DYNC1I1: variants seen among roughly 807,000 people sequenced by gnomAD.
DYNC1I1 encodes dynein cytoplasmic 1 intermediate chain 1, also known as cytoplasmic dynein 1 intermediate chain 1.
DYNC1I1 carries 43 observed loss-of-function variants against 86.6 expected under a neutral mutation model. That is an observed-to-expected ratio of 0.50 (90% CI 0.39 to 0.64). The LOEUF (loss-of-function observed/expected upper bound fraction) is 0.64. Ranked by LOEUF, DYNC1I1 falls within the 30% of genes least tolerant of loss-of-function variation. The pLI is 0.00. For missense variants in DYNC1I1, 604 were observed against 788.8 expected, an observed-to-expected ratio of 0.77 and a Z score of 2.81; for synonymous variants, 262 against 283.7, an observed-to-expected ratio of 0.92 and a Z score of 0.77.
intron 5 of DYNC1I1, among the ~76,000 whole-genome samples, chr7:95,831,082 A>C (rs1400567512): frequency 1.3e-5 from 2 of 152,114 alleles, no homozygotes; most frequent in African/African-American, 4.8e-5. Context: ...TTATTTTCTC[A>C]TAATTGATTT....
At chr7:95,937,974 A>G (rs1792093889) in intron 6 of DYNC1I1, among the ~76,000 whole-genome samples, 1 of 151,916 alleles carries the variant, frequency 6.6e-6, no homozygotes, top group Non-Finnish European at 1.5e-5. Context: ...ATAATACCCT[A>G]ATTTATTGTA....
At chr7:95,800,051 A>G (rs1794541144) in intron 1 of DYNC1I1, among the ~76,000 whole-genome samples, 1 of 149,646 alleles carries the variant, frequency 6.7e-6, no homozygotes, top group Admixed American at 6.8e-5. Flanking sequence ...ATTTGTTTGG[A>G]TCAAAAGAAT....
intron 10 of DYNC1I1, among the ~76,000 whole-genome samples, chr7:96,018,592 A>C (rs1412360742): frequency 1.3e-5 from 2 of 152,128 alleles, no homozygotes; most frequent in Admixed American, 6.6e-5. Flanking sequence ...ATAAACAAGA[A>C]AACTCCTAGT....
chr7:95,856,409 T>A (rs967636204), intron 5 of DYNC1I1, among the ~76,000 whole-genome samples: 8 of 152,228 alleles, frequency 5.3e-5, no homozygotes, highest in African/African-American at 1.4e-4. Flanking sequence ...AATATGTCGA[T>A]GGCCGTTTCT....
At position 95,883,917 on chromosome 7, in the gene DYNC1I1, A is replaced by G. The variant is rs529552538; in HGVS notation, c.490+13919A>G. Reference sequence around the variant, plus strand: ...AACAAAGTCTTGGAAAATATCAATGATAGAAGTTTATGTTTTTTTAATGAA... The same window carrying G: ...AACAAAGTCTTGGAAAATATCAATGGTAGAAGTTTATGTTTTTTTAATGAA... On this transcript the variant is annotated intron_variant, in intron 6 of 16. Coordinates refer to ENST00000447467, the MANE Select transcript of DYNC1I1 (RefSeq NM_001135556.2). 5.9e-5 allele frequency among the ~76,000 whole-genome samples: 9 copies of G among 152,316 alleles called. No homozygotes were observed. In the South Asian group the frequency reaches 1.9e-3, roughly 32 times the overall value.
At chr7:95,844,935 G>A (rs935690994) in intron 5 of DYNC1I1, among the ~76,000 whole-genome samples, 1 of 152,122 alleles carries the variant, frequency 6.6e-6, no homozygotes, top group Admixed American at 6.5e-5. Context: ...CCTTTCATTA[G>A]TTTATAACAG....
intron 13 of DYNC1I1, among the ~76,000 whole-genome samples, chr7:96,038,775 T>C (rs1250946233): frequency 6.6e-6 from 1 of 152,198 alleles, no homozygotes. Flanking sequence ...TTTTCAGCTA[T>C]GTTAAAGTAA....
chr7:96,077,784 A>T (rs1480664751), intron 15 of DYNC1I1, among the ~76,000 whole-genome samples: 1 of 152,168 alleles, frequency 6.6e-6, no homozygotes, highest in Non-Finnish European at 1.5e-5. Context: ...AACAATTCCT[A>T]TGTAACTGTT....
intron 6 of DYNC1I1, among the ~76,000 whole-genome samples, chr7:95,871,603 T>C (rs1300335367): frequency 2.0e-5 from 3 of 151,842 alleles, no homozygotes; most frequent in African/African-American, 7.3e-5. Context: ...GGAGAAGGAG[T>C]GAATTATTTT....
At position 95,959,196 on chromosome 7, in the gene DYNC1I1, G is replaced by A. The variant is rs763738363; in HGVS notation, c.491-18316G>A. 1.2e-3 allele frequency among the ~76,000 whole-genome samples: 180 copies of A among 152,256 alleles called. 1 individual carries two copies. The highest frequency in any genetic ancestry group is 8.4e-4 in the Non-Finnish European group (57 of 68,006). On this transcript the variant is annotated intron_variant, in intron 6 of 16. Transcript: ENST00000447467. ...ATGCTTGAGTGAAGGCGTCATGTGG[G>A]GCTGGGGTAGGGAGTGAGGGGCAGA...
At chr7:95,986,366 C>A (rs1240604712) in intron 8 of DYNC1I1, among the ~76,000 whole-genome samples, 2 of 152,158 alleles carry the variant, frequency 1.3e-5, no homozygotes, top group Non-Finnish European at 2.9e-5. Context: ...GCTTGTGGAG[C>A]AGCTGCATAA....
At chr7:95,780,485 A>T in intron 1 of DYNC1I1, among the ~76,000 whole-genome samples, 1 of 134,664 alleles carries the variant, frequency 7.4e-6, no homozygotes, top group Non-Finnish European at 1.6e-5. Context: ...TCACCATGTT[A>T]GCCAGGATGG....
rs190677019 is a variant in DYNC1I1, at chr7:95,837,744, G to A, written c.374+9628G>A. 1,096 of 152,088 alleles carry A rather than the reference G, an allele frequency of 7.2e-3. 4 individuals carry two copies. Among genetic ancestry groups the A allele is most frequent in the Admixed American group, 0.01 (157 of 15,236 alleles). The allele number at this position is 152,088 out of a possible 1,614,324, so 9.4% of individuals were successfully genotyped here. ...TGACTCGATTTTCCAGGTGCCGTCC[G>A]TCACCCCTTTCTTTGACTAGGAAAG... On this transcript the variant is annotated intron_variant, in intron 5 of 16. Transcript: ENST00000447467.
intron 6 of DYNC1I1, among the ~76,000 whole-genome samples, chr7:95,944,596 T>G (rs1336587805): frequency 6.6e-6 from 1 of 152,102 alleles, no homozygotes; most frequent in African/African-American, 2.4e-5. Flanking sequence ...GCGGCACTAT[T>G]CAGAATAGCA....
chr7:96,001,253 T>C (rs1401332807), intron 10 of DYNC1I1, among the ~76,000 whole-genome samples: 1 of 152,074 alleles, frequency 6.6e-6, no homozygotes, highest in Non-Finnish European at 1.5e-5. Flanking sequence ...CAGATTGCAA[T>C]ATGAGCACGT....
chr7:95,817,001 T>C (rs1208336808), intron 4 of DYNC1I1, among the ~76,000 whole-genome samples: 1 of 152,210 alleles, frequency 6.6e-6, no homozygotes, highest in African/African-American at 2.4e-5. Context: ...GAACGGCTTT[T>C]GTTTAGTTGA....
At chr7:96,056,050 C>A (rs1389298547) in intron 14 of DYNC1I1, 1 of 152,164 alleles carries the variant, frequency 6.6e-6, no homozygotes, top group Non-Finnish European at 1.5e-5. Flanking sequence ...ACCTCTCTGC[C>A]AGACCCAACT....
At chr7:96,059,703 T>G (rs1421623696) in intron 14 of DYNC1I1, among the ~76,000 whole-genome samples, 1 of 152,194 alleles carries the variant, frequency 6.6e-6, no homozygotes, top group Non-Finnish European at 1.5e-5. Flanking sequence ...AGGGGACACT[T>G]TAATAGATAC....
At chr7:95,912,592 A>C (rs2116347078) in intron 6 of DYNC1I1, among the ~76,000 whole-genome samples, 1 of 152,358 alleles carries the variant, frequency 6.6e-6, no homozygotes, top group Non-Finnish European at 1.5e-5. Flanking sequence ...TCCTGCCAGA[A>C]GAATGCCCAT....
Sources: gnomAD v4.1 joint callset for allele counts (sites outside exome capture counted in the v4.1 genomes callset) on GRCh38, gnomAD v4.1.1 for gene constraint, MANE v1.5 for transcripts, NCBI Gene and HGNC (gene_info 2026-07-23, HGNC 2026-07-21) for gene names.